Variants in DOCK9 observed in about 807,000 individuals in gnomAD.
The protein encoded by DOCK9 is dedicator of cytokinesis 9, also known as dedicator of cytokinesis protein 9.
DOCK9 carries 89 observed loss-of-function variants against 263.3 expected under a neutral mutation model. The observed-to-expected ratio is 0.34, with a 90% CI of 0.28 to 0.40. DOCK9 has a LOEUF of 0.40. DOCK9 is among the 10% of genes least tolerant of loss of function. DOCK9 has a pLI of 1.00. For missense variants in DOCK9, 2,140 were observed against 2,603.4 expected, an observed-to-expected ratio of 0.82 and a Z score of 3.87; for synonymous variants, 976 against 973.1, an observed-to-expected ratio of 1.00 and a Z score of -0.06.
Position 98,971,118 on chromosome 13 carries a change from C to T in DOCK9, c.126+6666G>A, listed in dbSNP as rs111639155. Reference sequence around the variant, plus strand: ...AGTCCCAGACCTTAGAGATTATGTACGACAGGCTCCTCATTTTACAGGTAA... The same window carrying T: ...AGTCCCAGACCTTAGAGATTATGTATGACAGGCTCCTCATTTTACAGGTAA... On this transcript the variant is annotated intron_variant, in intron 1 of 52. Coordinates refer to ENST00000682017, the MANE Select transcript of DOCK9 (RefSeq NM_001366683.2). 2.9e-3 allele frequency among the ~76,000 whole-genome samples: 439 copies of T among 152,306 alleles called. 1 individual carries two copies. Among genetic ancestry groups the T allele is most frequent in the African/African-American group, 9.6e-3 (400 of 41,568 alleles).
chr13:98,881,562 A>G lies in DOCK9; in HGVS notation c.2741T>C (p.Val914Ala). 1 of 1,603,370 alleles carries G rather than the reference A, an allele frequency of 6.2e-7. No individual in the cohort carries two copies. ...AGAACAGTGTGTTTTACATACCTTA[A>G]CATATGACCTCAAGTGGCTCTCCAA... ...EGLESHLRSYVKYAYKAEPYV... is the reference protein window; with the variant it reads ...EGLESHLRSYAKYAYKAEPYV... The change falls in exon 25 of 53, where the codon GTT becomes GCT. Residue 914 changes from valine to alanine, a missense_variant. Physicochemically the swap from Val to Ala is moderately conservative, Grantham distance 64. Around this residue, in one of 2 missense-constraint regions of DOCK9, gnomAD observed 1,521 missense variants for 1,741.7 expected, o/e 0.87. Transcript: ENST00000682017.
intron 1 of DOCK9, chr13:99,086,181 C>T: frequency 6.9e-7 from 1 of 1,458,076 alleles, no homozygotes; most frequent in Non-Finnish European, 9.0e-7. Context: ...GCTGCCTGCG[C>T]CCCCGCCATC....
At chr13:99,079,102 A>G (rs990785066) in intron 1 of DOCK9, among the ~76,000 whole-genome samples, 1 of 152,256 alleles carries the variant, frequency 6.6e-6, no homozygotes, top group Non-Finnish European at 1.5e-5. Flanking sequence ...CATACTGTAC[A>G]GTACAGCTTA....
intron 1 of DOCK9, among the ~76,000 whole-genome samples, chr13:98,999,944 C>T (rs986180594): frequency 6.6e-6 from 1 of 152,142 alleles, no homozygotes; most frequent in African/African-American, 2.4e-5. Context: ...ACCATGACCA[C>T]TCCCTGCCTT....
intron 21 of DOCK9, 99 bp from the exon 22 acceptor site, chr13:98,883,998 C>T (rs2045281626): frequency 1.2e-6 from 1 of 835,354 alleles, no homozygotes; most frequent in East Asian, 2.7e-5. Context: ...GAAAGAGGGC[C>T]CAGAGAACTT....
intron 36 of DOCK9, among the ~76,000 whole-genome samples, 193 bp downstream of exon 36, chr13:98,849,853 TA>T (rs2093510457): frequency 1.3e-5 from 2 of 152,326 alleles, no homozygotes; most frequent in Middle Eastern, 3.4e-3. Flanking sequence ...TGTAATACTT[TA>T]AGGGTGACCA....
chr13:98,958,119 T>C (rs7338982), intron 1 of DOCK9, among the ~76,000 whole-genome samples: 63,836 of 152,130 alleles, frequency 0.42, 13,773 homozygotes, highest in East Asian at 0.56. Context: ...GGTGCCAATG[T>C]TATTAGGTTT....
At chr13:98,845,177 A>G (rs1268757687) in intron 38 of DOCK9, among the ~76,000 whole-genome samples, 1 of 152,244 alleles carries the variant, frequency 6.6e-6, no homozygotes, top group African/African-American at 2.4e-5. Context: ...TGACTGATAA[A>G]AGTAAATTAA....
At chr13:99,033,780 G>A (rs1367674465) in intron 1 of DOCK9, among the ~76,000 whole-genome samples, 1 of 152,186 alleles carries the variant, frequency 6.6e-6, no homozygotes, top group Non-Finnish European at 1.5e-5. Context: ...CCAGACTTCA[G>A]ATTAGAATTC....
intron 1 of DOCK9, among the ~76,000 whole-genome samples, chr13:98,997,145 A>G (rs1326300482): frequency 6.6e-6 from 1 of 152,256 alleles, no homozygotes; most frequent in African/African-American, 2.4e-5. Flanking sequence ...AGACACTCAC[A>G]GCGCACTTAC....
Position 98,933,986 on chromosome 13 carries a change from G to A in DOCK9, c.244-3729C>T, listed in dbSNP as rs114275607. ...AATCACAGCTCAGTGCAACCTTGCC[G>A]TTCTGGGCTCAAGTGATCCTCCCAC... On this transcript the variant is annotated intron_variant, in intron 2 of 52. Transcript: ENST00000682017. Among the ~76,000 whole-genome samples, 1,222 of 152,028 alleles carry A rather than the reference G, an allele frequency of 8.0e-3. 16 individuals carry two copies. Among genetic ancestry groups the A allele is most frequent in the African/African-American group, 0.027 (1,122 of 41,434 alleles).
intron 27 of DOCK9, among the ~76,000 whole-genome samples, chr13:98,872,637 G>T (rs1250096488): frequency 1.3e-5 from 2 of 152,062 alleles, no homozygotes; most frequent in African/African-American, 2.4e-5. Context: ...GAATTCCTGG[G>T]CTCAAGCGAT....
At chr13:98,923,620 C>T (rs1477754570) in intron 4 of DOCK9, among the ~76,000 whole-genome samples, 1 of 151,962 alleles carries the variant, frequency 6.6e-6, no homozygotes, top group East Asian at 1.9e-4. Context: ...AGCAGGCATA[C>T]TAAAAATAAG....
Position 98,863,477 on chromosome 13 carries a change from C to T in DOCK9, c.3358G>A (p.Glu1120Lys). The T allele has an allele frequency of 1.2e-6, 2 of 1,613,948 alleles. No individual in the cohort carries two copies. The highest frequency in any genetic ancestry group is 8.5e-7 in the Non-Finnish European group (1 of 1,179,878). Reference sequence around the variant, plus strand: ...AACTCCTGGAGGGCTGTCCCCACCTCCCTCAGTAACAGTCCCACCAAGAAG... The same window carrying T: ...AACTCCTGGAGGGCTGTCCCCACCTTCCTCAGTAACAGTCCCACCAAGAAG... Reference protein sequence around the residue: ...NHFLVGLLLREVGTALQEFRE... With the variant: ...NHFLVGLLLRKVGTALQEFRE... The change falls in exon 31 of 53, where the codon GAG becomes AAG. Residue 1120 changes from glutamate to lysine, a missense_variant. By Grantham distance (56) the Glu-to-Lys change is moderately conservative (BLOSUM62 1). Transcript: ENST00000682017.
chr13:98,938,906 G>A (rs1416696619), intron 2 of DOCK9, among the ~76,000 whole-genome samples: 4 of 152,284 alleles, frequency 2.6e-5, no homozygotes, highest in African/African-American at 9.6e-5. Context: ...TCCCAGAGAA[G>A]TGGGTGGGCT....
At chr13:98,921,121 C>G (rs1285500350) in intron 6 of DOCK9, 33 bp from the exon 7 acceptor site, 4 of 1,570,656 alleles carry the variant, frequency 2.5e-6, no homozygotes, top group Non-Finnish European at 3.5e-6. Context: ...GCTATTCTTT[C>G]AAAATGAAGA....
chr13:98,959,316 T>A (rs1304586824), intron 1 of DOCK9: 1 of 152,254 alleles, frequency 6.6e-6, no homozygotes, highest in African/African-American at 2.4e-5. Flanking sequence ...GGAAAACTCA[T>A]GGTACTGACT....
At chr13:99,017,716 A>T (rs1161630847) in intron 1 of DOCK9, among the ~76,000 whole-genome samples, 1 of 152,238 alleles carries the variant, frequency 6.6e-6, no homozygotes, top group African/African-American at 2.4e-5. Flanking sequence ...CATAAAATAT[A>T]CTAACACTAA....
Position 99,008,185 on chromosome 13 carries a change from C to CCTCTCTCTCTCTCTCT in DOCK9, c.130-52650_130-52635dup, listed in dbSNP as rs370963218. ...CAGATGTTTATGATATATTGTGCAG[C>CCTCTCTCTCTCTCTCT]CTCTCTCTCTCTCTCTCTCTCTCTC... On this transcript the variant is annotated intron_variant, in intron 1 of 32. Transcript: ENST00000427887. 2.6e-4 allele frequency among the ~76,000 whole-genome samples: 26 copies of CCTCTCTCTCTCTCTCT among 100,966 alleles called. No individual in the cohort carries two copies. The South Asian group carries it at 3.2e-3, about 13-fold the overall frequency. The allele number at this position is 100,966 out of a possible 152,430, so 66.2% of individuals were successfully genotyped here.
Sources: gnomAD v4.1 joint callset for allele counts (sites outside exome capture counted in the v4.1 genomes callset) on GRCh38, gnomAD v4.1.1 for gene constraint, gnomAD v4.1.1 regional missense constraint, MANE v1.5 for transcripts, NCBI Gene and HGNC (gene_info 2026-07-23, HGNC 2026-07-21) for gene names.